CUBN: variants seen among roughly 807,000 people sequenced by gnomAD.
The protein encoded by CUBN is 460 kDa receptor.
A neutral mutation model predicts 405.3 loss-of-function variants in CUBN; 282 were observed. The ratio of observed to expected loss-of-function variants is 0.70; its 90% CI spans 0.63 to 0.77. CUBN has a LOEUF of 0.77. Ranked by LOEUF, CUBN falls within the 30% of genes least tolerant of loss-of-function variation. The pLI, the probability that CUBN is intolerant of heterozygous loss-of-function variation, is 0.00. For missense variants in CUBN, 4,514 were observed against 4,475.2 expected, an observed-to-expected ratio of 1.01 and a Z score of -0.25; for synonymous variants, 1,684 against 1,617.0, an observed-to-expected ratio of 1.04 and a Z score of -0.99.
At chr10:17,026,678 C>T (rs939260097) in intron 27 of CUBN, among the ~76,000 whole-genome samples, 1 of 151,868 alleles carries the variant, frequency 6.6e-6, no homozygotes, top group Admixed American at 6.6e-5. Context: ...AGAGGAGATA[C>T]AGCGCTTCCA....
At chr10:17,017,565 T>C (rs1409730367) in intron 28 of CUBN, among the ~76,000 whole-genome samples, 14 of 152,152 alleles carry the variant, frequency 9.2e-5, no homozygotes, top group Non-Finnish European at 1.9e-4. Context: ...TCCTCACTTA[T>C]ATGAATAGGA....
At chr10:16,898,577 C>T (rs969050172) in intron 54 of CUBN, among the ~76,000 whole-genome samples, 6 of 152,174 alleles carry the variant, frequency 3.9e-5, no homozygotes, top group African/African-American at 1.4e-4. Flanking sequence ...CACTGCCACA[C>T]GAGCAGCATT....
intron 39 of CUBN, among the ~76,000 whole-genome samples, chr10:16,934,251 T>C (rs1344528212): frequency 2.0e-5 from 3 of 152,368 alleles, no homozygotes; most frequent in African/African-American, 7.2e-5. Flanking sequence ...GGCTTTGGTC[T>C]ATTTCCAGAG....
At chr10:16,892,696 G>A (rs942911374) in intron 54 of CUBN, among the ~76,000 whole-genome samples, 1 of 151,898 alleles carries the variant, frequency 6.6e-6, no homozygotes, top group African/African-American at 2.4e-5. Flanking sequence ...GTTTTCCCGT[G>A]TTGCCCAGCC....
chr10:17,065,124 C>G (rs950910575), intron 22 of CUBN, among the ~76,000 whole-genome samples: 10 of 34,912 alleles, frequency 2.9e-4, no homozygotes, highest in Non-Finnish European at 5.2e-4. Context: ...ATTTCTCTCT[C>G]TCTCTCCCCC....
chr10:16,966,001 T>C (rs923718606), intron 31 of CUBN: 1 of 470,964 alleles, frequency 2.1e-6, no homozygotes, highest in African/African-American at 2.0e-5. Flanking sequence ...GAAATCAAGT[T>C]GTATTCATTC....
intron 27 of CUBN, among the ~76,000 whole-genome samples, chr10:17,022,383 G>A (rs1163656869): frequency 1.3e-5 from 2 of 152,084 alleles, no homozygotes; most frequent in African/African-American, 4.8e-5. Flanking sequence ...TATTTTTCAG[G>A]CTTACTGCTG....
intron 6 of CUBN, among the ~76,000 whole-genome samples, chr10:17,118,758 C>T (rs1247363180): frequency 6.6e-6 from 1 of 152,128 alleles, no homozygotes; most frequent in Non-Finnish European, 1.5e-5. Flanking sequence ...TTAAACATAA[C>T]AGGGTTAACA....
At chr10:16,972,043 T>A (rs1236711430) in intron 31 of CUBN, among the ~76,000 whole-genome samples, 1 of 152,128 alleles carries the variant, frequency 6.6e-6, no homozygotes, top group African/African-American at 2.4e-5. Context: ...GCATCCTGCA[T>A]GGGATTTGAT....
chr10:16,980,952 T>C (rs1023219628), intron 31 of CUBN, among the ~76,000 whole-genome samples: 11 of 151,884 alleles, frequency 7.2e-5, no homozygotes, highest in Non-Finnish European at 1.3e-4. Context: ...GCGCAAAGCA[T>C]TAGTTTCAGG....
chr10:17,095,145 T>A (rs1402846297), intron 14 of CUBN, among the ~76,000 whole-genome samples: 1 of 151,894 alleles, frequency 6.6e-6, no homozygotes, highest in Non-Finnish European at 1.5e-5. Context: ...GGCAAGAACA[T>A]ACAACATGTA....
chr10:16,953,444 T>A (rs759473340), intron 32 of CUBN, among the ~76,000 whole-genome samples: 4 of 152,122 alleles, frequency 2.6e-5, no homozygotes, highest in Non-Finnish European at 5.9e-5. Context: ...ATAGACATAA[T>A]GACTACACAG....
chr10:17,126,739 T>C, intron 4 of CUBN, 22 bp downstream of exon 4: 12 of 1,612,978 alleles, frequency 7.4e-6, no homozygotes, highest in Non-Finnish European at 1.0e-5. Flanking sequence ...AAGATTTGGG[T>C]ATGTAGTAGC....
intron 54 of CUBN, among the ~76,000 whole-genome samples, chr10:16,897,303 G>A (rs972943743): frequency 9.8e-6 from 1 of 102,198 alleles, no homozygotes; most frequent in African/African-American, 4.0e-5. Context: ...CTGTCACCCT[G>A]TTTATGTTTA....
intron 22 of CUBN, among the ~76,000 whole-genome samples, chr10:17,061,570 T>C (rs1835505050): frequency 6.6e-6 from 1 of 152,198 alleles, no homozygotes. Flanking sequence ...CACTGCTAGA[T>C]GCCTCTTCTG....
chr10:16,908,872 C>CTTTTTTT (rs35736503), intron 48 of CUBN, among the ~76,000 whole-genome samples: 1 of 115,416 alleles, frequency 8.7e-6, no homozygotes, highest in East Asian at 2.6e-4. Context: ...GATGTCATCT[C>CTTTTTTT]TTTTTTTTTT....
chr10:16,841,800 A>T (rs1338877302), intron 60 of CUBN, among the ~76,000 whole-genome samples: 1 of 150,498 alleles, frequency 6.6e-6, no homozygotes, highest in African/African-American at 2.4e-5. Flanking sequence ...GTAATCCCAT[A>T]TACTTGGGAG....
intron 4 of CUBN, among the ~76,000 whole-genome samples, chr10:17,124,523 G>T (rs191291359): frequency 5.8e-4 from 88 of 151,640 alleles, no homozygotes; most frequent in African/African-American, 1.9e-3. Context: ...CTGCCTCCTG[G>T]GTCCATGCCA....
intron 31 of CUBN, among the ~76,000 whole-genome samples, chr10:16,978,344 T>C (rs1055564801): frequency 3.9e-5 from 6 of 152,204 alleles, no homozygotes; most frequent in African/African-American, 1.4e-4. Flanking sequence ...CACTACCTCA[T>C]GAACCATTGG....
Sources: gnomAD v4.1 joint callset for allele counts (sites outside exome capture counted in the v4.1 genomes callset) on GRCh38, gnomAD v4.1.1 for gene constraint, MANE v1.5 for transcripts, NCBI Gene and HGNC (gene_info 2026-07-23, HGNC 2026-07-21) for gene names.